Variants in SGCZ observed in about 807,000 individuals in gnomAD.
SGCZ encodes sarcoglycan zeta, also known as zeta-sarcoglycan.
SGCZ carries 40 observed loss-of-function variants against 41.3 expected under a neutral mutation model. The observed-to-expected ratio is 0.97, with a 90% confidence interval of 0.75 to 1.26. The LOEUF (loss-of-function observed/expected upper bound fraction) is 1.26, where lower values mean the gene tolerates loss of function less well. SGCZ is among the 50% of genes most tolerant of loss of function. The probability of loss-of-function intolerance (pLI) is 0.00; values close to 1 mark genes in which losing one functional copy is unlikely to be tolerated. For missense variants in SGCZ, 552 were observed against 369.8 expected (o/e 1.49, Z -4.04); for synonymous variants, 206 against 137.5 (o/e 1.50, Z -3.49).
chr8:14,105,163 A>G (rs1439818296), intron 6 of SGCZ, among the ~76,000 whole-genome samples: 1 of 152,074 alleles, frequency 6.6e-6, no homozygotes, highest in Non-Finnish European at 1.5e-5. Context: ...ACAAAACAGT[A>G]TCATCTTATC....
chr8:14,820,362 T>A (rs1016222321), intron 1 of SGCZ, among the ~76,000 whole-genome samples: 1 of 151,938 alleles, frequency 6.6e-6, no homozygotes, highest in Non-Finnish European at 1.5e-5. Flanking sequence ...AGGTATATAA[T>A]GAAAATATTA....
chr8:14,307,105 A>T (rs546193038), intron 3 of SGCZ, among the ~76,000 whole-genome samples: 1 of 152,316 alleles, frequency 6.6e-6, no homozygotes, highest in South Asian at 2.1e-4. Context: ...TACTGCTATA[A>T]TAACTTTAAC....
At chr8:14,769,793 T>TAAA (rs565416806) in intron 1 of SGCZ, among the ~76,000 whole-genome samples, 22 of 52,198 alleles carry the variant, frequency 4.2e-4, no homozygotes, top group South Asian at 1.3e-3. Context: ...AAAACACCAT[T>TAAA]AAAAAAAAAA....
chr8:14,280,860 A>G (rs1172029389), intron 3 of SGCZ, among the ~76,000 whole-genome samples: 1 of 151,180 alleles, frequency 6.6e-6, no homozygotes, highest in Non-Finnish European at 1.5e-5. Context: ...ACTCTCTTAC[A>G]TACTTGGGAA....
chr8:14,452,230 A>T (rs1335323375), intron 2 of SGCZ, among the ~76,000 whole-genome samples: 1 of 152,168 alleles, frequency 6.6e-6, no homozygotes, highest in Non-Finnish European at 1.5e-5. Context: ...ATACTATATG[A>T]TTTCAACTAT....
At chr8:15,119,940 GCTAGAA>G (rs1184631322) in intron 1 of SGCZ, among the ~76,000 whole-genome samples, 1 of 152,168 alleles carries the variant, frequency 6.6e-6, no homozygotes. Flanking sequence ...CTCCTGAGTA[GCTAGAA>G]CTATAGGTGC....
intron 5 of SGCZ, among the ~76,000 whole-genome samples, chr8:14,140,425 C>T (rs549671974): frequency 1.1e-3 from 160 of 152,242 alleles, no homozygotes; most frequent in Admixed American, 5.7e-3. Context: ...AAAACCCCAT[C>T]ATCTCAGCCC....
chr8:14,139,917 A>G (rs1803314670), intron 5 of SGCZ, among the ~76,000 whole-genome samples: 1 of 152,226 alleles, frequency 6.6e-6, no homozygotes, highest in Non-Finnish European at 1.5e-5. Context: ...CCTGATAAAC[A>G]TCGATGCAAA....
At chr8:14,566,721 C>T (rs1179402562) in intron 1 of SGCZ, among the ~76,000 whole-genome samples, 2 of 152,250 alleles carry the variant, frequency 1.3e-5, no homozygotes, top group Non-Finnish European at 2.9e-5. Flanking sequence ...CCACTCTGGC[C>T]GTACTTGAGG....
At chr8:14,324,347 T>G (rs548639305) in intron 2 of SGCZ, 143 bp from the exon 3 acceptor site, 7 of 673,680 alleles carry the variant, frequency 1.0e-5, no homozygotes, top group Non-Finnish European at 5.3e-6. Context: ...TCTACTTAAT[T>G]AATGTTTGCA....
chr8:14,210,938 T>C (rs1020292921), intron 4 of SGCZ, among the ~76,000 whole-genome samples: 1 of 152,166 alleles, frequency 6.6e-6, no homozygotes, highest in Non-Finnish European at 1.5e-5. Context: ...TCAAAGACCA[T>C]TCTTGATTGC....
At chr8:14,713,999 C>G (rs1453191115) in intron 1 of SGCZ, among the ~76,000 whole-genome samples, 1 of 152,108 alleles carries the variant, frequency 6.6e-6, no homozygotes, top group Non-Finnish European at 1.5e-5. Flanking sequence ...GATGGAGTCT[C>G]ACTCTGTACC....
At chr8:15,058,879 G>C (rs1804812130) in intron 1 of SGCZ, among the ~76,000 whole-genome samples, 1 of 152,142 alleles carries the variant, frequency 6.6e-6, no homozygotes, top group Admixed American at 6.5e-5. Flanking sequence ...TATACACATA[G>C]ATAGAATATT....
intron 3 of SGCZ, among the ~76,000 whole-genome samples, chr8:14,319,824 T>G (rs1228202702): frequency 1.3e-5 from 2 of 152,018 alleles, no homozygotes; most frequent in Non-Finnish European, 2.9e-5. Flanking sequence ...CCAATCACAC[T>G]GCAGGGAGTT....
At chr8:14,711,197 T>A (rs1294213715) in intron 1 of SGCZ, among the ~76,000 whole-genome samples, 1 of 152,158 alleles carries the variant, frequency 6.6e-6, no homozygotes, top group Non-Finnish European at 1.5e-5. Context: ...ACATTAAAAA[T>A]TATGTACAAA....
At chr8:14,868,589 G>T (rs1376456132) in intron 1 of SGCZ, among the ~76,000 whole-genome samples, 1 of 152,088 alleles carries the variant, frequency 6.6e-6, no homozygotes, top group East Asian at 1.9e-4. Context: ...ATTTCAATCT[G>T]AAATTTGTTT....
rs534580612 is a variant in SGCZ at position 14,899,586 on chromosome 8, A to G, written c.39+337999T>C. ...TTCACACTTCCCACTGCACAGGCAA[A>G]GCTTCCCCATGCTTGGAGGCTCCAG... On this transcript the variant is annotated intron_variant, in intron 1 of 7. Transcript: ENST00000382080. Among the ~76,000 whole-genome samples the G allele has an allele frequency of 1.0e-3, 156 of 152,274 alleles. 1 individual carries two copies. Among genetic ancestry groups the G allele is most frequent in the African/African-American group, 3.7e-3 (154 of 41,562 alleles).
chr8:14,862,104 G>A (rs1002163523), intron 1 of SGCZ, among the ~76,000 whole-genome samples: 2 of 151,998 alleles, frequency 1.3e-5, no homozygotes, highest in South Asian at 2.1e-4. Context: ...CACTAGTGAC[G>A]ACATTAAGTC....
chr8:15,108,677 C>G (rs1272980342), intron 1 of SGCZ, among the ~76,000 whole-genome samples: 1 of 152,120 alleles, frequency 6.6e-6, no homozygotes, highest in African/African-American at 2.4e-5. Context: ...ATCTCTAAAC[C>G]TGATTCCACA....
Sources: gnomAD v4.1 joint callset for allele counts (sites outside exome capture counted in the v4.1 genomes callset) on GRCh38, gnomAD v4.1.1 for gene constraint, MANE v1.5 for transcripts, NCBI Gene and HGNC (gene_info 2026-07-23, HGNC 2026-07-21) for gene names.